The following ERC1 variants were observed in gnomAD, a reference collection of about 807,000 sequenced individuals.
The protein encoded by ERC1 is RAB6 interacting protein 2.
ERC1 carries 56 observed loss-of-function variants against 132.0 expected under a neutral mutation model. That is an observed-to-expected ratio of 0.42 (90% CI 0.34 to 0.53). ERC1 has a LOEUF of 0.53. Ranked by LOEUF, ERC1 falls within the 20% of genes least tolerant of loss-of-function variation. ERC1 has a pLI of 0.03. For missense variants in ERC1, 1,202 were observed against 1,349.9 expected (o/e 0.89, Z 1.72); for synonymous variants, 478 against 476.1 (o/e 1.00, Z -0.05).
At chr12:1,039,916 G>T (rs1285482235) in intron 2 of ERC1, among the ~76,000 whole-genome samples, 1 of 152,138 alleles carries the variant, frequency 6.6e-6, no homozygotes, top group Non-Finnish European at 1.5e-5. Flanking sequence ...TTCTCATCCA[G>T]CTCGATTTGT....
At position 1,027,853 on chromosome 12, in the gene ERC1, T is replaced by C. The variant is rs1439241761; in HGVS notation, c.-51T>C. 1.4e-6 allele frequency: 2 copies of C among 1,461,010 alleles called. No individual in the cohort carries two copies. Among genetic ancestry groups the C allele is most frequent in the African/African-American group, 2.8e-5 (2 of 71,090 alleles). The allele number at this position is 1,461,010 out of a possible 1,614,324, so 90.5% of individuals were successfully genotyped here. The stretch of plus-strand genomic sequence containing the variant: ...AGACACCTCACAAGGTTCCCATTTT[T>C]GTTGTTGTTGTTGTTGATTTTCTGC... On this transcript the variant is annotated 5_prime_UTR_variant, in exon 2 of 19. Transcript: ENST00000360905.
Position 1,244,393 on chromosome 12 carries a change from CACT to C in ERC1, c.2487+7495_2487+7497del, listed in dbSNP as rs997643170. 3 of 310,748 alleles carry C rather than the reference CACT, an allele frequency of 9.7e-6. No homozygotes were observed. The Admixed American group carries it at 1.0e-4, about 10-fold the overall frequency. 19.2% of individuals were successfully genotyped at this position (310,748 alleles called of 1,614,324 possible). A position where few individuals can be genotyped will look rare whatever the true frequency, so the allele number is the denominator to read the frequency against. ...ATGAAATAGGAGAAGTAAAGGGAAA[CACT>C]ACTACCTTATTTCTGTTTTTTGAAG... On this transcript the variant is annotated intron_variant, in intron 13 of 18. Coordinates refer to ENST00000360905, the MANE Select transcript of ERC1 (RefSeq NM_178040.4).
intron 15 of ERC1, among the ~76,000 whole-genome samples, chr12:1,302,643 C>T (rs1440743651): frequency 2.0e-5 from 3 of 152,234 alleles, no homozygotes; most frequent in South Asian, 2.1e-4. Context: ...AGGCGAGTCA[C>T]GCAAATTTAT....
rs116673123 is a variant in ERC1 at position 1,140,146 on chromosome 12, C to T, written c.1570-1474C>T. Among the ~76,000 whole-genome samples, 303 of 152,178 alleles carry T rather than the reference C, an allele frequency of 2.0e-3. 3 individuals carry two copies. Among genetic ancestry groups the T allele is most frequent in the African/African-American group, 7.0e-3 (292 of 41,528 alleles). On this transcript the variant is annotated intron_variant, in intron 7 of 18. Transcript: ENST00000360905. The stretch of plus-strand genomic sequence containing the variant: ...TTTAGCAGAGTGAACTATGGTTTAT[C>T]TACATGTTTTTCCTTTCCAGTATGG...
intron 12 of ERC1, among the ~76,000 whole-genome samples, chr12:1,191,713 G>T (rs1010913197): frequency 6.6e-6 from 1 of 152,112 alleles, no homozygotes. Context: ...CACATTTTGA[G>T]AAAGAGTTGT....
intron 11 of ERC1, among the ~76,000 whole-genome samples, chr12:1,186,074 T>C (rs1298863133): frequency 1.3e-5 from 2 of 152,244 alleles, no homozygotes; most frequent in Non-Finnish European, 2.9e-5. Context: ...CGAAAGTACC[T>C]CTATTGCTTC....
chr12:1,296,984 T>C (rs2080003827), intron 15 of ERC1, among the ~76,000 whole-genome samples: 1 of 151,662 alleles, frequency 6.6e-6, no homozygotes, highest in Non-Finnish European at 1.5e-5. Context: ...GATTTACAAA[T>C]CCCAGAAACT....
chr12:1,400,908 ATTTTTGTATTTTTTTTTTTT>A (rs1488592963), intron 16 of ERC1, among the ~76,000 whole-genome samples: 5,441 of 43,300 alleles, frequency 0.13, 723 homozygotes, highest in African/African-American at 0.17. Flanking sequence ...TGTTTTGGCT[ATTTTTGTATTTTTTTTTTTT>A]TTTTTTTTTT....
At chr12:1,245,617 T>C (rs2076109406) in intron 13 of ERC1, among the ~76,000 whole-genome samples, 1 of 152,234 alleles carries the variant, frequency 6.6e-6, no homozygotes, top group Non-Finnish European at 1.5e-5. Flanking sequence ...GTGGTTACTT[T>C]GCTTTTTGTT....
chr12:1,271,521 T>C (rs2077851991), intron 14 of ERC1, among the ~76,000 whole-genome samples: 1 of 152,196 alleles, frequency 6.6e-6, no homozygotes, highest in Non-Finnish European at 1.5e-5. Context: ...TTAGCTACAT[T>C]ATCGTCAGTT....
intron 8 of ERC1, among the ~76,000 whole-genome samples, chr12:1,180,296 T>G (rs1373139246): frequency 7.7e-6 from 1 of 130,484 alleles, no homozygotes; most frequent in Non-Finnish European, 1.5e-5. Flanking sequence ...CGCACGCGTG[T>G]GCGCGCGCGC....
chr12:1,009,177 A>T lies in ERC1; in HGVS notation c.-157+17855A>T, dbSNP rs1053255172. ...TATGCAGTATCTTGTGGTGGTAAAG[A>T]TTTTTTTTTTTTTTTGAGACAGAGT... On this transcript the variant is annotated intron_variant, in intron 1 of 18. Transcript: ENST00000360905. Among the ~76,000 whole-genome samples, 3 of 144,228 alleles carry T rather than the reference A, an allele frequency of 2.1e-5. No homozygotes were observed. The East Asian group carries it at 6.0e-4, about 29-fold the overall frequency. The allele number at this position is 144,228 out of a possible 152,430, so 94.6% of individuals were successfully genotyped here. A position where few individuals can be genotyped will look rare whatever the true frequency, so the allele number is the denominator to read the frequency against.
chr12:1,083,024 A>G (rs1266440630), intron 2 of ERC1, 140 bp from the exon 3 acceptor site: 7 of 673,062 alleles, frequency 1.0e-5, no homozygotes, highest in Non-Finnish European at 1.8e-5. Flanking sequence ...TTTTTTAAGG[A>G]CCTGTAAAAC....
At chr12:1,380,251 C>T (rs1168482785) in intron 16 of ERC1, 1 of 152,248 alleles carries the variant, frequency 6.6e-6, no homozygotes, top group Non-Finnish European at 1.5e-5. Flanking sequence ...GATGCTGCTT[C>T]TCTGGCCAAC....
chr12:1,118,744 T>C (rs892501429), intron 7 of ERC1, among the ~76,000 whole-genome samples: 9 of 152,222 alleles, frequency 5.9e-5, no homozygotes, highest in African/African-American at 2.2e-4. Context: ...TTTGAAAGTT[T>C]TCATGTGTTT....
chr12:1,456,107 A>G (rs1307535223), intron 18 of ERC1, among the ~76,000 whole-genome samples: 1 of 152,214 alleles, frequency 6.6e-6, no homozygotes, highest in Non-Finnish European at 1.5e-5. Context: ...CCCTGCAACA[A>G]TAAACTTCAA....
intron 14 of ERC1, among the ~76,000 whole-genome samples, chr12:1,288,727 C>T (rs1269803853): frequency 1.3e-5 from 2 of 152,178 alleles, no homozygotes; most frequent in Admixed American, 6.5e-5. Context: ...CCACCTCTAC[C>T]TGCCCTACCT....
intron 12 of ERC1, 39 bp downstream of exon 12, chr12:1,190,091 G>A (rs1257071406): frequency 6.5e-6 from 10 of 1,545,068 alleles, no homozygotes; most frequent in Admixed American, 1.7e-5. Flanking sequence ...TGAGGTTAAA[G>A]TATGGTTTTA....
chr12:1,304,090 T>C (rs1388465929), intron 15 of ERC1, among the ~76,000 whole-genome samples: 2 of 152,206 alleles, frequency 1.3e-5, no homozygotes, highest in Admixed American at 1.3e-4. Flanking sequence ...GGTGGTTTCA[T>C]TTCATAAAAT....
Sources: allele counts gnomAD v4.1 joint callset (sites outside exome capture counted in the v4.1 genomes callset), GRCh38; gene constraint gnomAD v4.1.1; transcripts MANE v1.5; gene names NCBI Gene and HGNC (gene_info 2026-07-23, HGNC 2026-07-21).